The following CYTH1 variants were observed in gnomAD, a reference collection of about 807,000 sequenced individuals.
CYTH1 encodes the protein cytohesin-1.
A neutral mutation model predicts 61.8 loss-of-function variants in CYTH1; 18 were observed. The observed-to-expected ratio is 0.29, with a 90% CI of 0.20 to 0.43. CYTH1 has a LOEUF of 0.43. Ranked by LOEUF, CYTH1 falls within the 20% of genes least tolerant of loss-of-function variation. CYTH1 has a pLI of 1.00. For missense variants in CYTH1, 336 were observed against 510.5 expected, an observed-to-expected ratio of 0.66 and a Z score of 3.29; for synonymous variants, 174 against 184.3, an observed-to-expected ratio of 0.94 and a Z score of 0.45.
At chr17:78,727,992 G>A (rs1366623741) in intron 1 of CYTH1, 3 of 246,876 alleles carry the variant, frequency 1.2e-5, no homozygotes, top group Non-Finnish European at 2.5e-5. Context: ...GTGAGTCCCT[G>A]ATATCATGCA....
intron 1 of CYTH1, chr17:78,716,823 G>A (rs961407785): frequency 6.6e-6 from 1 of 152,200 alleles, no homozygotes; most frequent in African/African-American, 2.4e-5. Flanking sequence ...TATTGCTGGA[G>A]AGCTGAGGTG....
At chr17:78,716,401 T>C (rs1191323469) in intron 1 of CYTH1, among the ~76,000 whole-genome samples, 1 of 152,208 alleles carries the variant, frequency 6.6e-6, no homozygotes, top group Non-Finnish European at 1.5e-5. Context: ...ATAGCCCTTC[T>C]GTGTCCTTGG....
intron 1 of CYTH1, among the ~76,000 whole-genome samples, chr17:78,767,016 AG>A (rs1598923425): frequency 6.6e-6 from 1 of 152,210 alleles, no homozygotes; most frequent in Non-Finnish European, 1.5e-5. Context: ...GGTAACTGTG[AG>A]GGTTCAATGA....
At chr17:78,739,822 C>G (rs1483996575) in intron 1 of CYTH1, among the ~76,000 whole-genome samples, 2 of 152,162 alleles carry the variant, frequency 1.3e-5, no homozygotes, top group Non-Finnish European at 2.9e-5. Context: ...GCTATATTTA[C>G]TTTCAGGGTA....
At chr17:78,724,303 C>T (rs766132875) in intron 1 of CYTH1, among the ~76,000 whole-genome samples, 3 of 152,194 alleles carry the variant, frequency 2.0e-5, no homozygotes, top group Non-Finnish European at 4.4e-5. Flanking sequence ...CTAAGTGACA[C>T]AGAATACAGG....
At chr17:78,733,095 A>G (rs1176711151) in intron 1 of CYTH1, among the ~76,000 whole-genome samples, 2 of 151,004 alleles carry the variant, frequency 1.3e-5, no homozygotes, top group South Asian at 4.2e-4. Context: ...AAAAAAAAAA[A>G]AAAAAAAAAA....
intron 11 of CYTH1, among the ~76,000 whole-genome samples, chr17:78,683,920 G>C (rs2092789581): frequency 6.6e-6 from 1 of 152,234 alleles, no homozygotes; most frequent in Non-Finnish European, 1.5e-5. Flanking sequence ...GAGCAGGTGG[G>C]TGGTCTAAGA....
chr17:78,715,928 G>A (rs1275190365), intron 1 of CYTH1, among the ~76,000 whole-genome samples: 3 of 152,348 alleles, frequency 2.0e-5, no homozygotes, highest in Non-Finnish European at 2.9e-5. Flanking sequence ...GGGAAGCAAA[G>A]TGGAGAGGGC....
In CYTH1 at chr17:78,698,320, G is replaced by C. The variant is rs1307286602; in HGVS notation, c.760C>G (p.Leu254Val). The stretch of plus-strand genomic sequence containing the variant: ...TCTGGATTGAAGAAAGTGTGAGTGA[G>C]GTCATTCCCGTCGTCTTCTGGGATT... ...FKIPEDDGND[L>V]THTFFNPDRE... Residue 254 changes from leucine to valine, a missense_variant, in exon 9 of 14, where the codon CTC (leucine) becomes GTC (valine). This residue lies in a region of CYTH1 where 125 missense variants were observed against 209.9 expected (regional missense o/e 0.60). Transcript: ENST00000446868. 1 of 1,613,150 alleles carries C rather than the reference G, an allele frequency of 6.2e-7. No individual in the cohort carries two copies. The highest frequency in any genetic ancestry group is 8.5e-7 in the Non-Finnish European group (1 of 1,179,810).
intron 13 of CYTH1, among the ~76,000 whole-genome samples, 161 bp downstream of exon 13, chr17:78,680,029 G>A (rs1364465612): frequency 6.6e-6 from 1 of 152,198 alleles, no homozygotes; most frequent in South Asian, 2.1e-4. Flanking sequence ...GAATCCAAAG[G>A]CCTCCTGGGA....
chr17:78,722,025 C>T lies in CYTH1; in HGVS notation c.23-12293G>A, dbSNP rs1395186408. ...TCGCGCCATTGCACTCCAGCCTGGG[C>T]AACAAGAGCAAAACTCCATCTCACA... On this transcript the variant is annotated intron_variant, in intron 1 of 13. Transcript: ENST00000446868. 3.3e-5 allele frequency among the ~76,000 whole-genome samples: 5 copies of T among 152,152 alleles called. No individual in the cohort carries two copies. The East Asian group carries it at 7.7e-4, about 24-fold the overall frequency.
chr17:78,677,217 T>C lies in CYTH1; in HGVS notation c.1119-1048A>G. The C allele has an allele frequency of 7.7e-6, 3 of 392,086 alleles. No individual in the cohort carries two copies. The Admixed American group carries it at 8.7e-5, about 11-fold the overall frequency. The allele number at this position is 392,086 out of a possible 1,614,324, so 24.3% of individuals were successfully genotyped here. A position where few individuals can be genotyped will look rare whatever the true frequency, so the allele number is the denominator to read the frequency against. ...GAATCTGGCGGCCGGGACACCTGCT[T>C]TCATGTTTGGAGGTGTTGGGGTGAA... On this transcript the variant is annotated intron_variant, in intron 13 of 13. Transcript: ENST00000446868.
chr17:78,678,906 C>T (rs1440477123), intron 13 of CYTH1, among the ~76,000 whole-genome samples: 5 of 152,372 alleles, frequency 3.3e-5, no homozygotes, highest in Middle Eastern at 3.4e-3. Flanking sequence ...GGAGTCTCAG[C>T]GCAGCGTGAC....
chr17:78,705,252 A>C (rs1428106158), intron 3 of CYTH1, among the ~76,000 whole-genome samples: 2 of 152,138 alleles, frequency 1.3e-5, no homozygotes, highest in Non-Finnish European at 1.5e-5. Context: ...CGCCAGTCAC[A>C]GTCTGTGCCA....
intron 1 of CYTH1, among the ~76,000 whole-genome samples, chr17:78,768,778 A>C (rs768402027): frequency 2.6e-5 from 4 of 152,122 alleles, no homozygotes; most frequent in Non-Finnish European, 4.4e-5. Flanking sequence ...AAAATGCAAC[A>C]GAATGCTCTG....
intron 1 of CYTH1, among the ~76,000 whole-genome samples, chr17:78,745,154 C>T (rs2093355129): frequency 6.6e-6 from 1 of 152,080 alleles, no homozygotes; most frequent in Non-Finnish European, 1.5e-5. Context: ...ACTGCAGTCT[C>T]CTGTGCACCG....
intron 11 of CYTH1, among the ~76,000 whole-genome samples, chr17:78,683,529 A>G (rs1041402147): frequency 4.6e-5 from 7 of 152,176 alleles, no homozygotes; most frequent in African/African-American, 1.7e-4. Flanking sequence ...TCTGCAAGCT[A>G]CAGACCTGGC....
intron 1 of CYTH1, among the ~76,000 whole-genome samples, chr17:78,772,440 T>C (rs925182274): frequency 6.6e-6 from 1 of 151,962 alleles, no homozygotes; most frequent in Non-Finnish European, 1.5e-5. Context: ...AGAAAAAATC[T>C]GTTTGACATA....
rs74001218 is a variant in CYTH1, at chr17:78,732,033, G to A, written c.23-22301C>T. 4.2e-3 allele frequency among the ~76,000 whole-genome samples: 639 copies of A among 152,278 alleles called. 6 individuals are homozygous for A. The highest frequency in any genetic ancestry group is 0.014 in the African/African-American group (601 of 41,564). ...GAACCCTCCTGAAGCACAGGGAGGG[G>A]TGGATGAAAACGGGAATCTCTGCTG... On this transcript the variant is annotated intron_variant, in intron 1 of 13. Transcript: ENST00000446868.
Sources: gnomAD v4.1 joint callset for allele counts (sites outside exome capture counted in the v4.1 genomes callset) on GRCh38, gnomAD v4.1.1 for gene constraint, gnomAD v4.1.1 regional missense constraint, MANE v1.5 for transcripts, NCBI Gene and HGNC (gene_info 2026-07-23, HGNC 2026-07-21) for gene names.